PDZD2: variants seen among roughly 807,000 people sequenced by gnomAD.
PDZD2 encodes PDZ domain-containing protein 2.
A neutral mutation model predicts 220.7 loss-of-function variants in PDZD2; 90 were observed. That is an observed-to-expected ratio of 0.41 (90% CI 0.34 to 0.49). The LOEUF is 0.49. PDZD2 is among the 20% of genes least tolerant of loss of function. The pLI, the probability that PDZD2 is intolerant of heterozygous loss-of-function variation, is 0.28. For synonymous variants in PDZD2, 1,375 were observed against 1,450.5 expected, an observed-to-expected ratio of 0.95 and a Z score of 1.18; for missense variants, 3,174 against 3,608.5, an observed-to-expected ratio of 0.88 and a Z score of 3.08.
intron 2 of PDZD2, among the ~76,000 whole-genome samples, chr5:31,974,560 A>C (rs1212693964): frequency 6.6e-6 from 1 of 152,158 alleles, no homozygotes; most frequent in Non-Finnish European, 1.5e-5. Flanking sequence ...TAAGCTACCA[A>C]GCTAATGCAC....
intron 2 of PDZD2, among the ~76,000 whole-genome samples, chr5:31,849,903 T>C (rs368703455): frequency 0.029 from 723 of 25,272 alleles, 105 homozygotes; most frequent in East Asian, 0.14. Flanking sequence ...TATATATATA[T>C]ACATATATAT....
chr5:32,080,347 C>CAA (rs35491724), intron 19 of PDZD2, among the ~76,000 whole-genome samples: 1,364 of 53,346 alleles, frequency 0.026, 95 homozygotes, highest in African/African-American at 0.092. Flanking sequence ...GACTCCATCT[C>CAA]AAAAAAAAAA....
intron 2 of PDZD2, among the ~76,000 whole-genome samples, chr5:31,969,111 G>A (rs1288697747): frequency 6.6e-6 from 1 of 152,108 alleles, no homozygotes; most frequent in Non-Finnish European, 1.5e-5. Flanking sequence ...TGATGTGAGG[G>A]GAAGGGATGT....
chr5:31,924,745 T>C (rs899451180), intron 2 of PDZD2, among the ~76,000 whole-genome samples: 1 of 152,228 alleles, frequency 6.6e-6, no homozygotes, highest in Admixed American at 6.5e-5. Flanking sequence ...AGAAATATCT[T>C]TAGGGATTCT....
At position 31,756,190 on chromosome 5, in the gene PDZD2, G is replaced by T. The variant is rs556305576; in HGVS notation, c.-360-42699G>T. On this transcript the variant is annotated intron_variant, in intron 1 of 24. Coordinates refer to ENST00000438447, the MANE Select transcript of PDZD2 (RefSeq NM_178140.4). ...GCCCCTCCAGGACCCGGGGGTGCCT[G>T]TGCCTGGCTCCAGGTCATGCACTCA... Among the ~76,000 whole-genome samples the T allele has an allele frequency of 7.4e-3, 1,123 of 152,272 alleles. 6 individuals are homozygous for T. The highest frequency in any genetic ancestry group is 0.012 in the Non-Finnish European group (847 of 68,014).
chr5:31,869,358 T>TC (rs1738533009), intron 2 of PDZD2, among the ~76,000 whole-genome samples: 1 of 151,954 alleles, frequency 6.6e-6, no homozygotes, highest in Non-Finnish European at 1.5e-5. Flanking sequence ...AGTCCATCTC[T>TC]TTTTTTCTGC....
intron 2 of PDZD2, among the ~76,000 whole-genome samples, chr5:31,878,583 A>T (rs1739549438): frequency 5.1e-5 from 1 of 19,744 alleles, no homozygotes; most frequent in African/African-American, 1.3e-4. Flanking sequence ...TTTTTTTGAG[A>T]CGGAGTCTCG....
intron 2 of PDZD2, among the ~76,000 whole-genome samples, chr5:31,868,591 T>C (rs1244366052): frequency 1.3e-5 from 2 of 152,136 alleles, no homozygotes; most frequent in South Asian, 2.1e-4. Flanking sequence ...GGTGAGGGAC[T>C]GCGCGTAGTG....
intron 1 of PDZD2, among the ~76,000 whole-genome samples, chr5:31,755,264 T>C (rs923510670): frequency 6.6e-6 from 1 of 152,206 alleles, no homozygotes; most frequent in African/African-American, 2.4e-5. Context: ...CTGGATGTTT[T>C]TTTGTTTCTG....
intron 1 of PDZD2, among the ~76,000 whole-genome samples, chr5:31,721,076 C>T (rs1315808546): frequency 6.6e-6 from 1 of 152,038 alleles, no homozygotes. Flanking sequence ...TTTTCTGAGC[C>T]CCAACAGTGA....
chr5:31,840,687 A>C, intron 2 of PDZD2: 1 of 752,756 alleles, frequency 1.3e-6, no homozygotes, highest in East Asian at 2.5e-5. Flanking sequence ...AGAGTGCTTA[A>C]TGTGCTCAAT....
intron 2 of PDZD2, among the ~76,000 whole-genome samples, chr5:31,811,990 A>AC (rs1755140896): frequency 7.5e-6 from 1 of 133,164 alleles, no homozygotes; most frequent in Non-Finnish European, 1.6e-5. Flanking sequence ...ACTCTGTCTC[A>AC]AAAATAAATA....
chr5:32,089,130 C>G lies in PDZD2; in HGVS notation c.5682C>G (p.Ala1894=). 1 of 1,614,118 alleles carries G rather than the reference C, an allele frequency of 6.2e-7. No homozygotes were observed. The highest frequency in any genetic ancestry group is 1.1e-5 in the South Asian group (1 of 91,074). ...KLKRLSLKGK[A]KVNSEAPAAN... is the part of the protein sequence containing the mutation. ...AGAGGCTCAGCCTCAAGGGCAAGGCCAAAGTCAACTCTGAGGCCCCTGCTG... is the reference window on the plus strand; with the variant it reads ...AGAGGCTCAGCCTCAAGGGCAAGGCGAAAGTCAACTCTGAGGCCCCTGCTG... The change falls in exon 20 of 25, where the codon GCC becomes GCG. Residue 1894 remains alanine, a synonymous_variant. Transcript: ENST00000438447.
intron 1 of PDZD2, among the ~76,000 whole-genome samples, chr5:31,797,094 A>ATTTTTTTTTTTTTTTTTTT (rs756548601): frequency 1.5e-5 from 1 of 66,534 alleles, no homozygotes; most frequent in African/African-American, 7.3e-5. Flanking sequence ...CACCCAGCTA[A>ATTTTTTTTTTTTTTTTTTT]TTTTTTTTTT....
At chr5:32,048,425 A>G in intron 7 of PDZD2, 114 bp from the exon 8 acceptor site, 1 of 811,674 alleles carries the variant, frequency 1.2e-6, no homozygotes, top group Admixed American at 2.2e-5. Context: ...ATTGGACGCT[A>G]GGCTTCTCAA....
At chr5:31,788,092 C>A (rs1166681974) in intron 1 of PDZD2, among the ~76,000 whole-genome samples, 1 of 152,180 alleles carries the variant, frequency 6.6e-6, no homozygotes, top group East Asian at 1.9e-4. Flanking sequence ...TCTCCCAGGC[C>A]GGGCGCCGTG....
intron 2 of PDZD2, among the ~76,000 whole-genome samples, chr5:31,852,839 C>T (rs550815246): frequency 3.3e-5 from 5 of 152,320 alleles, no homozygotes; most frequent in African/African-American, 7.2e-5. Flanking sequence ...AAAAGTGATC[C>T]ACCCACCTCG....
intron 2 of PDZD2, among the ~76,000 whole-genome samples, chr5:31,855,345 A>G (rs1758350718): frequency 6.6e-6 from 1 of 152,156 alleles, no homozygotes; most frequent in Non-Finnish European, 1.5e-5. Flanking sequence ...GTTGTTTTTA[A>G]AGTGGGGGAT....
chr5:32,095,548 T>C (rs1292226245), intron 21 of PDZD2, among the ~76,000 whole-genome samples: 1 of 152,164 alleles, frequency 6.6e-6, no homozygotes, highest in African/African-American at 2.4e-5. Context: ...TGGAGAGCTC[T>C]TGATGGTTGA....
Sources: allele counts gnomAD v4.1 joint callset (sites outside exome capture counted in the v4.1 genomes callset), GRCh38; gene constraint gnomAD v4.1.1; transcripts MANE v1.5; gene names NCBI Gene and HGNC (gene_info 2026-07-23, HGNC 2026-07-21).